Variants in ELAVL4 observed in about 807,000 individuals in gnomAD.
ELAVL4 encodes the protein ELAV like RNA binding protein 4, also known as ELAV-like protein 4.
Under a neutral mutation model 35.6 loss-of-function variants are expected in ELAVL4, and 1 was observed. The observed-to-expected ratio is 0.03, with a 90% CI of 0.01 to 0.13. The LOEUF is 0.13. Among genes scored for constraint, ELAVL4 ranks in the 10% least tolerant of loss-of-function variants. The pLI is 1.00. For missense variants in ELAVL4, 267 were observed against 464.9 expected (o/e 0.57, Z 3.91); for synonymous variants, 156 against 171.0 (o/e 0.91, Z 0.69).
chr1:50,154,516 T>C (rs1022066096), intron 2 of ELAVL4, among the ~76,000 whole-genome samples: 17 of 152,208 alleles, frequency 1.1e-4, no homozygotes, highest in African/African-American at 4.1e-4. Flanking sequence ...CTCTAATTCC[T>C]ATGGCCGCTA....
intron 2 of ELAVL4, among the ~76,000 whole-genome samples, chr1:50,162,706 C>T (rs1263334992): frequency 6.6e-6 from 1 of 152,186 alleles, no homozygotes; most frequent in African/African-American, 2.4e-5. Context: ...GCCTCAGCCA[C>T]CCAAGTAGCT....
intron 1 of ELAVL4, among the ~76,000 whole-genome samples, chr1:50,129,094 A>G (rs1218211415): frequency 6.6e-6 from 1 of 152,048 alleles, no homozygotes; most frequent in Admixed American, 6.6e-5. Flanking sequence ...ATTATAAATT[A>G]TTATAAAAAA....
At chr1:50,062,628 T>A (rs1664049578) in intron 1 of ELAVL4, among the ~76,000 whole-genome samples, 1 of 152,156 alleles carries the variant, frequency 6.6e-6, no homozygotes, top group African/African-American at 2.4e-5. Flanking sequence ...GAATCATTTG[T>A]TTGCTTGGCC....
chr1:50,188,418 G>A (rs562952322), intron 3 of ELAVL4, among the ~76,000 whole-genome samples: 26 of 152,290 alleles, frequency 1.7e-4, no homozygotes, highest in African/African-American at 5.1e-4. Context: ...TAGAGGCCAC[G>A]TCATTACTCT....
chr1:50,071,280 A>T (rs1664503023), intron 1 of ELAVL4, among the ~76,000 whole-genome samples: 1 of 152,050 alleles, frequency 6.6e-6, no homozygotes, highest in Non-Finnish European at 1.5e-5. Context: ...TTGAATGTAA[A>T]CTCTATGAGG....
chr1:50,174,682 T>G (rs1679678886), intron 2 of ELAVL4: 1 of 152,142 alleles, frequency 6.6e-6, no homozygotes, highest in African/African-American at 2.4e-5. Context: ...TTTCCCTCAT[T>G]TGACCTTCAG....
At chr1:50,133,640 AAAGAAAG>A (rs1671362962) in intron 1 of ELAVL4, among the ~76,000 whole-genome samples, 1 of 148,498 alleles carries the variant, frequency 6.7e-6, no homozygotes, top group African/African-American at 2.6e-5. Context: ...AGAAAGAAAG[AAAGAAAG>A]AAAGAGAAAG....
chr1:50,142,792 T>C (rs1033990477), intron 1 of ELAVL4, among the ~76,000 whole-genome samples: 2 of 152,182 alleles, frequency 1.3e-5, no homozygotes, highest in Admixed American at 6.5e-5. Flanking sequence ...AATATGTACA[T>C]TTTTGTACCA....
chr1:50,117,353 C>A (rs1023482307), intron 1 of ELAVL4, among the ~76,000 whole-genome samples: 1 of 152,112 alleles, frequency 6.6e-6, no homozygotes, highest in Admixed American at 6.6e-5. Flanking sequence ...GTTGGCAAGG[C>A]TATCTCAGAG....
At chr1:50,159,958 A>G (rs770083944) in intron 2 of ELAVL4, among the ~76,000 whole-genome samples, 65 of 152,270 alleles carry the variant, frequency 4.3e-4, no homozygotes, top group Admixed American at 6.5e-4. Context: ...ATGATGCCAT[A>G]TGGATCCAAA....
At position 50,137,390 on chromosome 1, in the gene ELAVL4, T is replaced by C. The variant is rs190595657; in HGVS notation, c.10-7567T>C. Among the ~76,000 whole-genome samples the C allele has an allele frequency of 5.6e-4, 84 of 151,108 alleles. 1 individual carries two copies. The East Asian group carries it at 0.012, about 22-fold the overall frequency. On this transcript the variant is annotated intron_variant, in intron 1 of 6. Transcript: ENST00000371824. Reference sequence around the variant, plus strand: ...GTGAAGAGTGGAGGATGGAAGGAGGTGTAAGAAAGTCATGAGCTAATGGAA... The same window carrying C: ...GTGAAGAGTGGAGGATGGAAGGAGGCGTAAGAAAGTCATGAGCTAATGGAA...
At chr1:50,115,983 A>C (rs750026345) in intron 1 of ELAVL4, among the ~76,000 whole-genome samples, 13 of 152,142 alleles carry the variant, frequency 8.5e-5, no homozygotes, top group Non-Finnish European at 1.6e-4. Context: ...GTCAAATAGT[A>C]AGAAAAGGTC....
intron 2 of ELAVL4, among the ~76,000 whole-genome samples, chr1:50,146,410 GA>G (rs944085716): frequency 6.6e-6 from 1 of 152,162 alleles, no homozygotes; most frequent in African/African-American, 2.4e-5. Flanking sequence ...AAAACTGGAA[GA>G]TAATGCTTGT....
chr1:50,192,233 G>A (rs534418595), intron 3 of ELAVL4, among the ~76,000 whole-genome samples: 5 of 152,272 alleles, frequency 3.3e-5, no homozygotes, highest in Admixed American at 1.3e-4. Context: ...CCATCAGCAG[G>A]AGGAGGCCAG....
At chr1:50,118,263 A>G (rs976703874) in intron 1 of ELAVL4, among the ~76,000 whole-genome samples, 25 of 152,034 alleles carry the variant, frequency 1.6e-4, no homozygotes, top group African/African-American at 4.8e-4. Flanking sequence ...TGTTTTCCCA[A>G]TAGGCTGAAC....
chr1:50,136,231 T>A (rs1671864436), intron 1 of ELAVL4, among the ~76,000 whole-genome samples: 1 of 152,126 alleles, frequency 6.6e-6, no homozygotes, highest in African/African-American at 2.4e-5. Flanking sequence ...AATGTCTGTC[T>A]TCAGGAACAC....
intron 1 of ELAVL4, among the ~76,000 whole-genome samples, chr1:50,089,135 C>A (rs1198794040): frequency 6.6e-6 from 1 of 152,110 alleles, no homozygotes; most frequent in East Asian, 1.9e-4. Flanking sequence ...TAAAGAGAAC[C>A]AGAAATGGTC....
chr1:50,200,040 C>T (rs1644308527), intron 6 of ELAVL4, among the ~76,000 whole-genome samples: 1 of 152,196 alleles, frequency 6.6e-6, no homozygotes, highest in African/African-American at 2.4e-5. Context: ...CACTTGCAGT[C>T]TTGCTTCAGT....
At chr1:50,110,843 G>A (rs189384445) in intron 1 of ELAVL4, among the ~76,000 whole-genome samples, 1 of 152,132 alleles carries the variant, frequency 6.6e-6, no homozygotes, top group East Asian at 1.9e-4. Context: ...AGATTAGACC[G>A]AGCAGCCCAA....
Sources: gnomAD v4.1 joint callset for allele counts (sites outside exome capture counted in the v4.1 genomes callset) on GRCh38, gnomAD v4.1.1 for gene constraint, MANE v1.5 for transcripts, NCBI Gene and HGNC (gene_info 2026-07-23, HGNC 2026-07-21) for gene names.